The following PCDHGB6 variants were observed in gnomAD, a reference collection of about 807,000 sequenced individuals.
The protein encoded by PCDHGB6 is protocadherin gamma subfamily B, 6, also known as protocadherin gamma-B6.
Under a neutral mutation model 59.1 loss-of-function variants are expected in PCDHGB6, and 51 were observed. The observed-to-expected ratio is 0.86, with a 90% confidence interval of 0.69 to 1.09. The LOEUF (loss-of-function observed/expected upper bound fraction) is 1.09, where lower values mean the gene tolerates loss of function less well. PCDHGB6 is among the 50% of genes least tolerant of loss of function. The pLI is 0.00. For synonymous variants in PCDHGB6, 466 were observed against 495.1 expected, an observed-to-expected ratio of 0.94 and a Z score of 0.78; for missense variants, 1,148 against 1,205.1, an observed-to-expected ratio of 0.95 and a Z score of 0.70.
intron 2 of PCDHGB6, among the ~76,000 whole-genome samples, chr5:141,497,158 T>A (rs2099774560): frequency 6.6e-6 from 1 of 151,860 alleles, no homozygotes; most frequent in African/African-American, 2.4e-5. Flanking sequence ...AAAAATAATC[T>A]AGCCACAAAT....
intron 1 of PCDHGB6, among the ~76,000 whole-genome samples, chr5:141,424,908 C>G (rs910592644): frequency 1.3e-5 from 2 of 152,184 alleles, no homozygotes; most frequent in Non-Finnish European, 2.9e-5. Context: ...TCACAGGAAT[C>G]ATTTCCATAA....
intron 1 of PCDHGB6, among the ~76,000 whole-genome samples, chr5:141,461,288 A>G (rs1049761514): frequency 2.0e-5 from 3 of 152,092 alleles, no homozygotes; most frequent in Admixed American, 1.3e-4. Flanking sequence ...CCCCACATCC[A>G]CACCAACATC....
intron 2 of PCDHGB6, 54 bp from the exon 3 acceptor site, chr5:141,505,339 G>A: frequency 1.2e-6 from 2 of 1,612,236 alleles, no homozygotes; most frequent in Middle Eastern, 3.4e-4. Flanking sequence ...GACAGGAGGG[G>A]CATGAGCTGT....
chr5:141,490,517 C>T lies in PCDHGB6; in HGVS notation c.2419-4290C>T. 6.2e-7 allele frequency: 1 copy of T among 1,613,972 alleles called. No homozygotes were observed. The highest frequency in any genetic ancestry group is 2.2e-5 in the East Asian group (1 of 44,854). ...TCCCACTATATCATCGAGCTGCTGG[C>T]CAGCGATGCTGGTTCACCTTCCCTA... On this transcript the variant is annotated intron_variant, in intron 1 of 3. Coordinates refer to ENST00000520790, the MANE Select transcript of PCDHGB6 (RefSeq NM_018926.3). The surrounding 1 kb of genome is among the most constrained non-coding windows in gnomAD (Gnocchi z 5.4).
Position 141,423,412 on chromosome 5 carries a change from T to C in PCDHGB6, c.2418+12792T>C, listed in dbSNP as rs754410783. 4 of 1,614,166 alleles carry C rather than the reference T, an allele frequency of 2.5e-6. No individual in the cohort carries two copies. The Admixed American group carries it at 6.7e-5, about 27-fold the overall frequency. The stretch of plus-strand genomic sequence containing the variant: ...GCATAAGTCACGCCTGCTGCAGGCT[T>C]CTGAAGGCGGGTTGGCAGGTATGCC... On this transcript the variant is annotated intron_variant, in intron 1 of 3. Coordinates refer to ENST00000520790, the MANE Select transcript of PCDHGB6 (RefSeq NM_018926.3).
intron 1 of PCDHGB6, chr5:141,419,209 G>C: frequency 6.2e-7 from 1 of 1,613,900 alleles, no homozygotes; most frequent in Admixed American, 1.7e-5. Context: ...ACAACGCGCC[G>C]GTTTTCGGAC....
rs181806844 is a variant in PCDHGB6 at position 141,445,046 on chromosome 5, G to T, written c.2418+34426G>T. Among the ~76,000 whole-genome samples the T allele has an allele frequency of 1.2e-4, 19 of 152,248 alleles. No individual in the cohort carries two copies. The East Asian group carries it at 3.7e-3, about 29-fold the overall frequency. ...TCAGCTATGTTGTATAGTTTTCAGT[G>T]TAGAGAGGTCATGTATATTTCTCAT... On this transcript the variant is annotated intron_variant, in intron 1 of 3. Transcript: ENST00000520790.
intron 2 of PCDHGB6, among the ~76,000 whole-genome samples, chr5:141,503,909 C>T (rs904260329): frequency 1.3e-5 from 2 of 152,156 alleles, no homozygotes; most frequent in Admixed American, 1.3e-4. Flanking sequence ...ACACACACAA[C>T]GCAACACACA....
chr5:141,510,451 G>A (rs1330148267), intron 3 of PCDHGB6, among the ~76,000 whole-genome samples: 2 of 152,096 alleles, frequency 1.3e-5, no homozygotes, highest in East Asian at 1.9e-4. Context: ...AGGAGCCCAT[G>A]GTCTAGTGTG....
chr5:141,423,552 C>A, intron 1 of PCDHGB6: 2 of 1,613,720 alleles, frequency 1.2e-6, no homozygotes, highest in Non-Finnish European at 1.7e-6. Context: ...CCCAGCCCAA[C>A]TATGGGGACA....
intron 1 of PCDHGB6, among the ~76,000 whole-genome samples, chr5:141,454,261 A>T (rs183133499): frequency 1.3e-5 from 2 of 152,364 alleles, no homozygotes; most frequent in South Asian, 2.1e-4. Flanking sequence ...CAGAGAAAGT[A>T]ATGCCAGCAA....
At chr5:141,457,537 T>A (rs967428207) in intron 1 of PCDHGB6, among the ~76,000 whole-genome samples, 2 of 152,228 alleles carry the variant, frequency 1.3e-5, no homozygotes, top group Admixed American at 6.5e-5. Flanking sequence ...TAGGGTTTAA[T>A]GACAAATGTA....
chr5:141,460,592 G>C (rs796171299), intron 1 of PCDHGB6, among the ~76,000 whole-genome samples: 12 of 151,976 alleles, frequency 7.9e-5, no homozygotes, highest in African/African-American at 2.9e-4. Flanking sequence ...GTTTTTTCTG[G>C]GCTCTCTGTG....
intron 3 of PCDHGB6, among the ~76,000 whole-genome samples, chr5:141,509,265 C>G (rs1296179995): frequency 1.3e-5 from 2 of 152,138 alleles, no homozygotes; most frequent in African/African-American, 4.8e-5. Flanking sequence ...TTTAGTCACT[C>G]TCGCTACCCG....
intron 1 of PCDHGB6, chr5:141,423,684 T>TA (rs1412198122): frequency 1.3e-6 from 2 of 1,524,644 alleles, no homozygotes; most frequent in Non-Finnish European, 1.8e-6. Context: ...CTCTGCCTCC[T>TA]AATTGTTGGT....
At position 141,409,675 on chromosome 5, in the gene PCDHGB6, AG is replaced by A. The variant is rs2095301185; in HGVS notation, c.1474del (p.Val492TrpfsTer5). 1.9e-6 allele frequency: 3 copies of A among 1,613,304 alleles called. No homozygotes were observed. Among genetic ancestry groups the A allele is most frequent in the African/African-American group, 2.7e-5 (2 of 74,942 alleles). On this transcript the variant is annotated frameshift_variant, in exon 1 of 4. Coordinates refer to ENST00000520790, the MANE Select transcript of PCDHGB6 (RefSeq NM_018926.3). LOFTEE classifies it high-confidence loss of function. ...GLNGHISYSI[V>X]ASDLEPLAVS... ...TCAATGGCCACATCTCCTACTCTAT[AG>A]TGGCGAGTGACCTAGAGCCCCTGGC...
chr5:141,505,436 T>C lies in PCDHGB6; in HGVS notation c.2521T>C (p.Phe841Leu). 1.2e-6 allele frequency: 2 copies of C among 1,614,118 alleles called. No homozygotes were observed. The highest frequency in any genetic ancestry group is 1.7e-6 in the Non-Finnish European group (2 of 1,179,998). ...DDTGTWPNNQ[F>L]DTEMLQAMIL... is the part of the protein sequence containing the mutation. ...CACCGGCACCTGGCCCAACAACCAG[T>C]TTGACACAGAGATGCTGCAAGCCAT... Residue 841 changes from phenylalanine (F) to leucine (L), a missense_variant, in exon 3 of 4, where the codon TTT becomes CTT. Phe to Leu is a conservative substitution (Grantham distance 22). Around this residue, in one of 5 missense-constraint regions of PCDHGB6, gnomAD observed 283 missense variants for 318.6 expected, o/e 0.89. Coordinates refer to ENST00000520790, the MANE Select transcript of PCDHGB6 (RefSeq NM_018926.3).
At chr5:141,510,353 C>T (rs74759939) in intron 3 of PCDHGB6, among the ~76,000 whole-genome samples, 2 of 146,504 alleles carry the variant, frequency 1.4e-5, no homozygotes, top group African/African-American at 5.0e-5. Context: ...CACTTACTAA[C>T]GGAACTACCG....
Position 141,486,320 on chromosome 5 carries a change from G to A in PCDHGB6, c.2419-8487G>A, listed in dbSNP as rs764851576. The stretch of plus-strand genomic sequence containing the variant: ...GCAGGATCCAGACTCAGGGTCAAAC[G>A]GAGATGTGAGCCTCCGCATTCCTGA... On this transcript the variant is annotated intron_variant, in intron 1 of 3. Coordinates refer to ENST00000520790, the MANE Select transcript of PCDHGB6 (RefSeq NM_018926.3). This position sits in a 1 kb window ranked among gnomAD's most constrained non-coding sequence, Gnocchi z 5.0. The A allele has an allele frequency of 6.2e-7, 1 of 1,614,010 alleles. No individual in the cohort carries two copies. Among genetic ancestry groups the A allele is most frequent in the South Asian group, 1.1e-5 (1 of 91,060 alleles).
Sources: gnomAD v4.1 joint callset for allele counts (sites outside exome capture counted in the v4.1 genomes callset) on GRCh38, gnomAD v4.1.1 for gene constraint, gnomAD v4.1.1 regional missense constraint, Gnocchi (gnomAD v3.1) non-coding constraint, MANE v1.5 for transcripts, NCBI Gene and HGNC (gene_info 2026-07-23, HGNC 2026-07-21) for gene names.